PCDHGB2: variants seen among roughly 807,000 people sequenced by gnomAD.
PCDHGB2 encodes the protein protocadherin gamma-B2.
A neutral mutation model predicts 59.3 loss-of-function variants in PCDHGB2; 55 were observed. The observed-to-expected ratio is 0.93, with a 90% CI of 0.75 to 1.16. The LOEUF is 1.16. Ranked by LOEUF, PCDHGB2 falls within the 50% of genes most tolerant of loss-of-function variation. PCDHGB2 has a pLI of 0.00. For synonymous variants in PCDHGB2, 516 were observed against 512.0 expected (o/e 1.01, Z -0.11); for missense variants, 1,228 against 1,198.5 (o/e 1.02, Z -0.36).
intron 1 of PCDHGB2, among the ~76,000 whole-genome samples, chr5:141,458,449 A>G (rs1483902182): frequency 6.6e-6 from 1 of 152,086 alleles, no homozygotes; most frequent in Non-Finnish European, 1.5e-5. Context: ...CCACATTAAC[A>G]ATTTTTAAAA....
chr5:141,493,250 C>T lies in PCDHGB2; in HGVS notation c.2422-1557C>T, dbSNP rs1330348553. On this transcript the variant is annotated intron_variant, in intron 1 of 3. Coordinates refer to ENST00000522605, the MANE Select transcript of PCDHGB2 (RefSeq NM_018923.3). The surrounding 1 kb of genome is among the most constrained non-coding windows in gnomAD (Gnocchi z 4.3). ...TGCTGTTGGCTAGGTACTAACATGC[C>T]TCTCTTATAACAGCTTCACAGAGGT... Among the ~76,000 whole-genome samples the T allele has an allele frequency of 1.3e-5, 2 of 152,154 alleles. No homozygotes were observed. Among genetic ancestry groups the T allele is most frequent in the Non-Finnish European group, 2.9e-5 (2 of 68,024 alleles).
At chr5:141,399,466 G>A (rs1229342978) in intron 1 of PCDHGB2, 5 of 1,613,886 alleles carry the variant, frequency 3.1e-6, no homozygotes, top group East Asian at 4.5e-5. Context: ...TAACGCTCCG[G>A]TTTTCCACCA....
intron 1 of PCDHGB2, chr5:141,413,123 AAACACAC>A (rs2095606041): frequency 2.0e-6 from 3 of 1,526,818 alleles, no homozygotes; most frequent in Middle Eastern, 3.6e-4. Context: ...GAACCGGTTG[AAACACAC>A]AACGTGTCCA....
Position 141,361,008 on chromosome 5 carries a change from T to C in PCDHGB2, c.873T>C (p.Phe291=), listed in dbSNP as rs1327006146. Residue 291 remains phenylalanine (F), a synonymous_variant, in exon 1 of 4, where the codon TTT becomes TTC. Coordinates refer to ENST00000522605, the MANE Select transcript of PCDHGB2 (RefSeq NM_018923.3). Reference sequence around the variant, plus strand: ...ATGTGGACGAACAAGTGAAACACTTTTTCAACTTAAATGAAAAAACAGGAG... The same window carrying C: ...ATGTGGACGAACAAGTGAAACACTTCTTCAACTTAAATGAAAAAACAGGAG... ...FHNVDEQVKH[F]FNLNEKTGEI... 4 of 1,613,330 alleles carry C rather than the reference T, an allele frequency of 2.5e-6. No individual in the cohort carries two copies. Among genetic ancestry groups the C allele is most frequent in the African/African-American group, 1.3e-5 (1 of 75,042 alleles).
chr5:141,476,666 G>C lies in PCDHGB2; in HGVS notation c.2422-18141G>C, dbSNP rs2099395856. On this transcript the variant is annotated intron_variant, in intron 1 of 3. Coordinates refer to ENST00000522605, the MANE Select transcript of PCDHGB2 (RefSeq NM_018923.3). This position sits in a 1 kb window ranked among gnomAD's most constrained non-coding sequence, Gnocchi z 7.6. The stretch of plus-strand genomic sequence containing the variant: ...CCGAAATGAATACTTTGCGCTTCGC[G>C]TGCAGACGCGGGAGGACAGCACCAA... 6.2e-7 allele frequency: 1 copy of C among 1,614,246 alleles called. No individual in the cohort carries two copies. The highest frequency in any genetic ancestry group is 8.5e-7 in the Non-Finnish European group (1 of 1,180,044).
chr5:141,490,981 C>T lies in PCDHGB2; in HGVS notation c.2422-3826C>T. 19 of 1,614,096 alleles carry T rather than the reference C, an allele frequency of 1.2e-5. No homozygotes were observed. The highest frequency in any genetic ancestry group is 1.5e-5 in the Non-Finnish European group (18 of 1,180,018). Reference sequence around the variant, plus strand: ...ACACTCAGCCCCCCAGCGTCTCCCTCGCTCTGCTCCTCCTGGCTCCTTGGT... The same window carrying T: ...ACACTCAGCCCCCCAGCGTCTCCCTTGCTCTGCTCCTCCTGGCTCCTTGGT... On this transcript the variant is annotated intron_variant, in intron 1 of 3. Transcript: ENST00000522605. The surrounding 1 kb of genome is among the most constrained non-coding windows in gnomAD (Gnocchi z 5.4).
chr5:141,443,788 A>C (rs1468852602), intron 1 of PCDHGB2, among the ~76,000 whole-genome samples: 2 of 152,224 alleles, frequency 1.3e-5, no homozygotes, highest in African/African-American at 4.8e-5. Context: ...AGACAAAAAA[A>C]ATGAAAAGGA....
In PCDHGB2 at chr5:141,405,081, C is replaced by T. The variant is rs749102403; in HGVS notation, c.2421+42525C>T. 1.0e-4 allele frequency: 163 copies of T among 1,613,766 alleles called. No homozygotes were observed. The highest frequency in any genetic ancestry group is 1.2e-4 in the Non-Finnish European group (138 of 1,179,768). ...TGTGTCTTCCTCACCTTCGTTATCA[C>T]GCTGCTGGCCCTCAGGCTGAGGCAC... On this transcript the variant is annotated intron_variant, in intron 1 of 3. Transcript: ENST00000522605.
chr5:141,399,320 A>G, intron 1 of PCDHGB2: 3 of 1,614,010 alleles, frequency 1.9e-6, no homozygotes, highest in Non-Finnish European at 2.5e-6. Context: ...AAAAATTCGT[A>G]TAAGTTGGTA....
chr5:141,408,743 A>G (rs764671808), intron 1 of PCDHGB2: 13 of 1,610,030 alleles, frequency 8.1e-6, no homozygotes, highest in African/African-American at 2.7e-5. Flanking sequence ...TTTTTCATTA[A>G]TGGTTAGAGT....
At chr5:141,381,977 G>T (rs61025717) in intron 1 of PCDHGB2, among the ~76,000 whole-genome samples, 22 of 151,370 alleles carry the variant, frequency 1.5e-4, no homozygotes, top group African/African-American at 5.3e-4. Context: ...TTACAGGCGC[G>T]CGCCACCACG....
At chr5:141,381,826 C>T (rs867772225) in intron 1 of PCDHGB2, among the ~76,000 whole-genome samples, 29 of 74,288 alleles carry the variant, frequency 3.9e-4, no homozygotes, top group Admixed American at 9.7e-4. Flanking sequence ...CTTTCTTCTT[C>T]TTTTTTTTTT....
rs375363587 is a variant in PCDHGB2 at position 141,414,524 on chromosome 5, A to G, written c.2421+51968A>G. On this transcript the variant is annotated intron_variant, in intron 1 of 3. Coordinates refer to ENST00000522605, the MANE Select transcript of PCDHGB2 (RefSeq NM_018923.3). ...TTTATGCTACAAGTGGCAGATATCA[A>G]TGACAACCCACCTACCTTCTCTCAA... 105 of 1,613,844 alleles carry G rather than the reference A, an allele frequency of 6.5e-5. 1 individual carries two copies. In the South Asian group the frequency reaches 7.2e-4, roughly 11 times the overall value.
rs1281778338 is a variant in PCDHGB2, at chr5:141,512,281, G to A, written c.*1108G>A. ...TGGGTACTCCAGAGGTGCCACTGGTGGAAGGGTCAGCGGAGCCCCAGCAGG... is the reference window on the plus strand; with the variant it reads ...TGGGTACTCCAGAGGTGCCACTGGTAGAAGGGTCAGCGGAGCCCCAGCAGG... On this transcript the variant is annotated 3_prime_UTR_variant, in exon 4 of 4. Transcript: ENST00000522605. 6.5e-6 allele frequency: 1 copy of A among 152,810 alleles called. No homozygotes were observed. Among genetic ancestry groups the A allele is most frequent in the Non-Finnish European group, 1.5e-5 (1 of 68,178 alleles). The allele number at this position is 152,810 out of a possible 1,614,324, so 9.5% of individuals were successfully genotyped here.
chr5:141,400,700 AAAG>A (rs1199384329), intron 1 of PCDHGB2: 5 of 728,844 alleles, frequency 6.9e-6, no homozygotes, highest in Non-Finnish European at 1.1e-5. Flanking sequence ...ATGTCGCATA[AAAG>A]AAGTAGCCTT....
intron 1 of PCDHGB2, chr5:141,400,209 G>C: frequency 3.1e-6 from 5 of 1,614,052 alleles, no homozygotes; most frequent in Non-Finnish European, 4.2e-6. Context: ...CCTTGGCCTT[G>C]ATCTCAGTGC....
intron 1 of PCDHGB2, among the ~76,000 whole-genome samples, chr5:141,386,669 A>T (rs774102519): frequency 4.6e-5 from 7 of 152,086 alleles, no homozygotes; most frequent in Admixed American, 1.3e-4. Flanking sequence ...CAGTGTTCAC[A>T]TTTCAGATGT....
At chr5:141,507,786 GTCTAAGCC>G (rs1279265471) in intron 3 of PCDHGB2, among the ~76,000 whole-genome samples, 1 of 152,174 alleles carries the variant, frequency 6.6e-6, no homozygotes, top group Admixed American at 6.5e-5. Flanking sequence ...CCTGACCCTC[GTCTAAGCC>G]TGCGCCCTGG....
At chr5:141,366,394 C>T in intron 1 of PCDHGB2, 2 of 1,614,168 alleles carry the variant, frequency 1.2e-6, no homozygotes, top group Non-Finnish European at 1.7e-6. Flanking sequence ...AGGATCTGGA[C>T]CTCACACTCT....
Sources: allele counts gnomAD v4.1 joint callset (sites outside exome capture counted in the v4.1 genomes callset), GRCh38; gene constraint gnomAD v4.1.1; non-coding constraint Gnocchi (gnomAD v3.1); transcripts MANE v1.5; gene names NCBI Gene and HGNC (gene_info 2026-07-23, HGNC 2026-07-21).